Variants in HMG20A observed in about 807,000 individuals in gnomAD.
HMG20A encodes high mobility group 20A.
Under a neutral mutation model 43.9 loss-of-function variants are expected in HMG20A, and 17 were observed. The ratio of observed to expected loss-of-function variants is 0.39; its 90% CI spans 0.27 to 0.58. HMG20A has a LOEUF of 0.58. HMG20A is among the 20% of genes least tolerant of loss of function. The pLI, the probability that HMG20A is intolerant of heterozygous loss-of-function variation, is 0.59. For missense variants in HMG20A, 341 were observed against 438.2 expected (o/e 0.78, Z 1.98); for synonymous variants, 132 against 147.5 (o/e 0.89, Z 0.76).
chr15:77,500,718 AC>A, the HMG20A span, among the ~76,000 whole-genome samples: 1 of 151,894 alleles, frequency 6.6e-6, no homozygotes, highest in African/African-American at 2.4e-5. Flanking sequence ...ACAGGTGCCT[AC>A]CACCATGACC....
chr15:77,433,257 G>A (rs531695659), intron 1 of HMG20A, among the ~76,000 whole-genome samples: 6 of 150,594 alleles, frequency 4.0e-5, no homozygotes, highest in South Asian at 4.2e-4. Context: ...TAGGAGGATC[G>A]GTTTAGGCTA....
At chr15:77,428,962 CAAAAA>C (rs36116258) in intron 1 of HMG20A, among the ~76,000 whole-genome samples, 1 of 107,148 alleles carries the variant, frequency 9.3e-6, no homozygotes, top group African/African-American at 3.8e-5. Context: ...GACTCTGTCT[CAAAAA>C]AAAAAAAAAA....
intron 1 of HMG20A, among the ~76,000 whole-genome samples, chr15:77,422,742 A>T (rs1016115972): frequency 1.7e-4 from 26 of 152,246 alleles, no homozygotes; most frequent in Non-Finnish European, 3.5e-4. Flanking sequence ...AAAGAATCTA[A>T]GACCCTAAAA....
chr15:77,446,899 G>T (rs1200416186), intron 1 of HMG20A, among the ~76,000 whole-genome samples: 1 of 151,600 alleles, frequency 6.6e-6, no homozygotes, highest in East Asian at 1.9e-4. Flanking sequence ...GCTTGGTTTT[G>T]TTTTTTGTTT....
rs556323658 is a variant in HMG20A, at chr15:77,462,081, G to A, written c.90-2159G>A. Among the ~76,000 whole-genome samples the A allele has an allele frequency of 1.2e-4, 18 of 152,232 alleles. No individual in the cohort carries two copies. In the South Asian group the frequency reaches 3.5e-3, roughly 30 times the overall value. On this transcript the variant is annotated intron_variant, in intron 2 of 9. Transcript: ENST00000336216. ...AAAAGTTTAATTTCTTTCAGTCCCA[G>A]GACAGTCTGCTTCCTGTTTTCATCC...
At chr15:77,456,310 G>A (rs950841587) in intron 1 of HMG20A, among the ~76,000 whole-genome samples, 10 of 152,086 alleles carry the variant, frequency 6.6e-5, no homozygotes, top group African/African-American at 2.4e-4. Flanking sequence ...TGAGGCATGG[G>A]AGCAATGCCA....
chr15:77,518,551 T>C, the HMG20A span, among the ~76,000 whole-genome samples: 1 of 152,146 alleles, frequency 6.6e-6, no homozygotes, highest in Non-Finnish European at 1.5e-5. Flanking sequence ...TCTGTGCCCC[T>C]CCAGAACTTG....
intron 1 of HMG20A, among the ~76,000 whole-genome samples, chr15:77,454,550 A>C (rs1391532212): frequency 1.3e-5 from 2 of 152,184 alleles, no homozygotes. Flanking sequence ...ATACAAAGTG[A>C]TTACTAAGAG....
At chr15:77,506,193 C>G in the HMG20A span, among the ~76,000 whole-genome samples, 1 of 151,560 alleles carries the variant, frequency 6.6e-6, no homozygotes, top group Non-Finnish European at 1.5e-5. Context: ...AAAAGTTCAA[C>G]TTTAACTGGG....
chr15:77,488,147 C>T (rs968776744), downstream of HMG20A, among the ~76,000 whole-genome samples: 1 of 152,154 alleles, frequency 6.6e-6, no homozygotes, highest in Non-Finnish European at 1.5e-5. Context: ...ACCTGCAACA[C>T]CAGATCAGTG....
rs368572557 is a variant in HMG20A at position 77,468,547 on chromosome 15, T to C, written c.450+1240T>C. 9.2e-5 allele frequency among the ~76,000 whole-genome samples: 14 copies of C among 151,980 alleles called. No homozygotes were observed. In the East Asian group the frequency reaches 1.5e-3, roughly 17 times the overall value. ...CATATGCACTTATATGCTCAGTCTT[T>C]CTTATACTTTTGCATGCTCAGTCTT... On this transcript the variant is annotated intron_variant, in intron 4 of 9. Transcript: ENST00000336216.
At chr15:77,449,903 A>G (rs536982362) in intron 1 of HMG20A, among the ~76,000 whole-genome samples, 6 of 152,142 alleles carry the variant, frequency 3.9e-5, no homozygotes, top group Admixed American at 1.3e-4. Context: ...CCACCATTGT[A>G]TCACGTAGAA....
At chr15:77,459,347 A>G (rs1046355485) in intron 2 of HMG20A, among the ~76,000 whole-genome samples, 1 of 152,214 alleles carries the variant, frequency 6.6e-6, no homozygotes, top group Non-Finnish European at 1.5e-5. Flanking sequence ...TCATTGTTCC[A>G]GGCATTAGAT....
chr15:77,440,681 T>C (rs2073602024), intron 1 of HMG20A, among the ~76,000 whole-genome samples: 1 of 152,188 alleles, frequency 6.6e-6, no homozygotes, highest in South Asian at 2.1e-4. Context: ...GAAGGAAACA[T>C]GGCAAATTGC....
chr15:77,428,016 A>G (rs1433461341), intron 1 of HMG20A, among the ~76,000 whole-genome samples: 1 of 152,206 alleles, frequency 6.6e-6, no homozygotes, highest in Non-Finnish European at 1.5e-5. Context: ...ATCACTACTA[A>G]AATTTACTGG....
At chr15:77,519,770 T>G in the HMG20A span, among the ~76,000 whole-genome samples, 1 of 152,188 alleles carries the variant, frequency 6.6e-6, no homozygotes, top group Non-Finnish European at 1.5e-5. Flanking sequence ...GACTGACAGG[T>G]CAGTGTCACA....
chr15:77,500,451 A>C, the HMG20A span, among the ~76,000 whole-genome samples: 1 of 152,136 alleles, frequency 6.6e-6, no homozygotes, highest in Non-Finnish European at 1.5e-5. Context: ...GGCCTATCCC[A>C]TAGTGGGTGG....
intron 1 of HMG20A, among the ~76,000 whole-genome samples, chr15:77,440,811 A>G (rs1296962779): frequency 1.3e-5 from 2 of 152,130 alleles, no homozygotes; most frequent in African/African-American, 4.8e-5. Flanking sequence ...ATGTTTCTGA[A>G]AGGAGATCTA....
intron 9 of HMG20A, chr15:77,482,245 T>C (rs1406394370): frequency 6.6e-6 from 1 of 152,092 alleles, no homozygotes; most frequent in Non-Finnish European, 1.5e-5. Flanking sequence ...AGATAAAAAT[T>C]GTAATCCAGG....
Sources: gnomAD v4.1 joint callset for allele counts (sites outside exome capture counted in the v4.1 genomes callset) on GRCh38, gnomAD v4.1.1 for gene constraint, MANE v1.5 for transcripts, NCBI Gene and HGNC (gene_info 2026-07-23, HGNC 2026-07-21) for gene names.